The following ZNF804B variants were observed in gnomAD, a reference collection of about 807,000 sequenced individuals.
ZNF804B encodes the protein zinc finger 804B.
A neutral mutation model predicts 101.4 loss-of-function variants in ZNF804B; 80 were observed. The observed-to-expected ratio is 0.79, with a 90% CI of 0.66 to 0.95. The LOEUF is 0.95. Among genes scored for constraint, ZNF804B ranks in the 40% least tolerant of loss-of-function variants. The pLI is 0.00. For synonymous variants in ZNF804B, 622 were observed against 558.8 expected, an observed-to-expected ratio of 1.11 and a Z score of -1.59; for missense variants, 1,673 against 1,561.9, an observed-to-expected ratio of 1.07 and a Z score of -1.20.
At chr7:89,112,164 T>G (rs1790227657) in intron 1 of ZNF804B, among the ~76,000 whole-genome samples, 1 of 150,818 alleles carries the variant, frequency 6.6e-6, no homozygotes, top group South Asian at 2.1e-4. Context: ...CATTTTACAA[T>G]GGACAGACTA....
At chr7:88,764,644 C>A (rs747228044) in intron 1 of ZNF804B, among the ~76,000 whole-genome samples, 4 of 152,258 alleles carry the variant, frequency 2.6e-5, no homozygotes, top group African/African-American at 9.6e-5. Flanking sequence ...CAGAGAACTT[C>A]TTAAATGAGG....
intron 1 of ZNF804B, among the ~76,000 whole-genome samples, chr7:89,190,431 G>A (rs1242006015): frequency 6.6e-6 from 1 of 151,896 alleles, no homozygotes. Context: ...TAACAGACAA[G>A]GAGTTGCTTC....
At chr7:88,845,291 G>GCACACACACACACA (rs1554339266) in intron 1 of ZNF804B, among the ~76,000 whole-genome samples, 1 of 106,450 alleles carries the variant, frequency 9.4e-6, no homozygotes, top group African/African-American at 3.9e-5. Context: ...ACGCGCGCGC[G>GCACACACACACACA]CACGCGCGCG....
intron 1 of ZNF804B, among the ~76,000 whole-genome samples, chr7:88,769,045 T>A (rs984453249): frequency 3.9e-5 from 6 of 152,216 alleles, no homozygotes; most frequent in Non-Finnish European, 8.8e-5. Flanking sequence ...TGATTATTAC[T>A]CAGATTGTGT....
In ZNF804B at chr7:89,334,571, A is replaced by C. The variant is rs755190463; in HGVS notation, c.1589A>C (p.Asp530Ala). 1 of 1,613,744 alleles carries C rather than the reference A, an allele frequency of 6.2e-7. No homozygotes were observed. The highest frequency in any genetic ancestry group is 8.5e-7 in the Non-Finnish European group (1 of 1,179,838). ...TEDQQKLIQE[D>A]YQYPKPKTMI... is the part of the protein sequence containing the mutation. The stretch of plus-strand genomic sequence containing the variant: ...GACCAACAAAAATTGATCCAAGAAG[A>C]TTATCAATATCCGAAACCAAAGACG... Residue 530 changes from aspartate to alanine, a missense_variant, in exon 4 of 4, where the codon GAT (aspartate) becomes GCT (alanine). Physicochemically the swap from Asp to Ala is moderately radical, Grantham distance 126 (BLOSUM62 -2). Coordinates refer to ENST00000333190, the MANE Select transcript of ZNF804B (RefSeq NM_181646.5).
chr7:89,133,762 C>G (rs1307312328), intron 1 of ZNF804B, among the ~76,000 whole-genome samples: 2 of 151,962 alleles, frequency 1.3e-5, no homozygotes, highest in Non-Finnish European at 2.9e-5. Context: ...TAAAAGGTTT[C>G]TACAAGGAAA....
chr7:89,198,241 G>T (rs923225977), intron 1 of ZNF804B, among the ~76,000 whole-genome samples: 16 of 151,806 alleles, frequency 1.1e-4, no homozygotes, highest in African/African-American at 3.6e-4. Flanking sequence ...AATTTTTAAA[G>T]CTTTTAACTA....
At chr7:89,060,028 TA>T (rs1288429636) in intron 1 of ZNF804B, among the ~76,000 whole-genome samples, 5 of 152,130 alleles carry the variant, frequency 3.3e-5, no homozygotes, top group Admixed American at 2.6e-4. Flanking sequence ...ACACCAGTGG[TA>T]ACCTGGGTCC....
intron 1 of ZNF804B, among the ~76,000 whole-genome samples, chr7:89,195,934 C>G (rs1788542535): frequency 6.6e-6 from 1 of 152,086 alleles, no homozygotes; most frequent in South Asian, 2.1e-4. Flanking sequence ...TTATTCCATG[C>G]TCATGAATAA....
chr7:88,920,401 AT>A (rs1792703460), intron 1 of ZNF804B, among the ~76,000 whole-genome samples: 1 of 152,090 alleles, frequency 6.6e-6, no homozygotes, highest in Non-Finnish European at 1.5e-5. Flanking sequence ...CATTGTACAA[AT>A]ACATGTAAAG....
chr7:88,857,837 T>C (rs907020990), intron 1 of ZNF804B, among the ~76,000 whole-genome samples: 4 of 132,606 alleles, frequency 3.0e-5, no homozygotes, highest in East Asian at 2.1e-4. Context: ...TTTTTTTTTT[T>C]TTTTTTTTTT....
intron 1 of ZNF804B, among the ~76,000 whole-genome samples, chr7:88,891,100 A>G (rs1009382469): frequency 2.0e-5 from 3 of 152,152 alleles, no homozygotes; most frequent in African/African-American, 7.2e-5. Flanking sequence ...AGTGCATGAC[A>G]TGTAAGAGAC....
rs1562904540 is a variant in ZNF804B, at chr7:89,171,346, CTTCTTCTTCT to C, written c.109-46807_109-46798del. ...TCTTCTTCTTCTTCTTCTTCTTCTT[CTTCTTCTTCT>C]TCCTCCTCTTCCTCTTCTTCCTCTT... On this transcript the variant is annotated intron_variant, in intron 1 of 3. Coordinates refer to ENST00000333190, the MANE Select transcript of ZNF804B (RefSeq NM_181646.5). Among the ~76,000 whole-genome samples the C allele has an allele frequency of 9.8e-5, 13 of 132,622 alleles. No individual in the cohort carries two copies. The East Asian group carries it at 2.0e-3, about 21-fold the overall frequency. 87.0% of individuals were successfully genotyped at this position (132,622 alleles called of 152,430 possible). A position where few individuals can be genotyped will look rare whatever the true frequency, so the allele number is the denominator to read the frequency against.
At chr7:89,011,981 C>T (rs1584071357) in intron 1 of ZNF804B, among the ~76,000 whole-genome samples, 3 of 152,180 alleles carry the variant, frequency 2.0e-5, no homozygotes, top group Admixed American at 6.5e-5. Context: ...GAGGGCTCTA[C>T]CCCTGCAGCA....
At chr7:88,886,942 A>T (rs1792136674) in intron 1 of ZNF804B, among the ~76,000 whole-genome samples, 1 of 151,864 alleles carries the variant, frequency 6.6e-6, no homozygotes, top group East Asian at 1.9e-4. Flanking sequence ...AAATTCTCTA[A>T]TAGAAAATGA....
At chr7:89,022,900 T>G (rs1018265639) in intron 1 of ZNF804B, among the ~76,000 whole-genome samples, 1 of 152,154 alleles carries the variant, frequency 6.6e-6, no homozygotes, top group Non-Finnish European at 1.5e-5. Flanking sequence ...TGTTAATTCA[T>G]AAGAAAAATC....
intron 1 of ZNF804B, among the ~76,000 whole-genome samples, chr7:88,945,560 C>G (rs867285912): frequency 6.7e-6 from 1 of 150,152 alleles, no homozygotes; most frequent in African/African-American, 2.5e-5. Flanking sequence ...TGAGGATTGC[C>G]TTGGCTATAT....
intron 1 of ZNF804B, among the ~76,000 whole-genome samples, chr7:88,805,622 C>A (rs1335494470): frequency 2.6e-5 from 4 of 152,072 alleles, no homozygotes; most frequent in East Asian, 1.9e-4. Context: ...TTTGTGAAGA[C>A]AATTTTGTGA....
In ZNF804B at chr7:88,759,956, T is replaced by A. The variant is rs1789866704; in HGVS notation, c.-21T>A. On this transcript the variant is annotated 5_prime_UTR_variant, in exon 1 of 4. Coordinates refer to ENST00000333190, the MANE Select transcript of ZNF804B (RefSeq NM_181646.5). ...GTCGCCTGGTGAGGAGTTGAGACTCTGCGCCTCCGCCCGGACCCACATGGC... is the reference window on the plus strand; with the variant it reads ...GTCGCCTGGTGAGGAGTTGAGACTCAGCGCCTCCGCCCGGACCCACATGGC... 1.2e-6 allele frequency: 2 copies of A among 1,610,576 alleles called. No individual in the cohort carries two copies.
Sources: allele counts gnomAD v4.1 joint callset (sites outside exome capture counted in the v4.1 genomes callset), GRCh38; gene constraint gnomAD v4.1.1; transcripts MANE v1.5; gene names NCBI Gene and HGNC (gene_info 2026-07-23, HGNC 2026-07-21).